Variants in ADAMTS1 observed in about 807,000 individuals in gnomAD.
The protein encoded by ADAMTS1 is A disintegrin and metalloproteinase with thrombospondin motifs 1.
A neutral mutation model predicts 87.9 loss-of-function variants in ADAMTS1; 19 were observed. The observed-to-expected ratio is 0.22, with a 90% CI of 0.15 to 0.32. ADAMTS1 has a LOEUF of 0.32. Among genes scored for constraint, ADAMTS1 ranks in the 10% least tolerant of loss-of-function variants. The pLI is 1.00. For synonymous variants in ADAMTS1, 542 were observed against 501.8 expected (o/e 1.08, Z -1.07); for missense variants, 1,240 against 1,259.1 (o/e 0.98, Z 0.23).
chr21:26,843,372 C>T, intron 1 of ADAMTS1: 1 of 426,882 alleles, frequency 2.3e-6, no homozygotes, highest in Non-Finnish European at 4.8e-6. Context: ...AACTGGGCTG[C>T]GACCACTTTG....
At position 26,841,023 on chromosome 21, in the gene ADAMTS1, A is replaced by G. The variant is rs756726522; in HGVS notation, c.1353T>C (p.Ile451=). The part of the protein sequence containing the change: ...QPWSPCSAYM[I]TSFLDNGHGE... ...CATGACCATTATCCAGAAATGATGTAATCATGTAGGCACTGCAAGGAGACC... is the reference window on the plus strand; with the variant it reads ...CATGACCATTATCCAGAAATGATGTGATCATGTAGGCACTGCAAGGAGACC... Residue 451 remains isoleucine (I), a synonymous_variant, in exon 4 of 9, where the codon ATT becomes ATC. Transcript: ENST00000284984. 1.2e-6 allele frequency: 2 copies of G among 1,614,212 alleles called. No homozygotes were observed. The highest frequency in any genetic ancestry group is 4.5e-5 in the East Asian group (2 of 44,882).
intron 8 of ADAMTS1, 73 bp from the exon 9 acceptor site, chr21:26,838,351 A>C: frequency 6.3e-7 from 1 of 1,576,110 alleles, no homozygotes; most frequent in Non-Finnish European, 8.6e-7. Flanking sequence ...AAAACACATT[A>C]ATCTTTTATG....
Position 26,841,988 on chromosome 21 carries a change from G to A in ADAMTS1, c.1080C>T (p.Asp360=), listed in dbSNP as rs1451235157. The change falls in exon 3 of 9, where the codon GAC becomes GAT. Residue 360 remains aspartate (D), a splice_region_variant and synonymous_variant. Transcript: ENST00000284984. ...YDTAILFTRQ[D]LCGSQTCDTL... ...TATCACATGTCTGGGACCCACACAAGTCCTACAAAAAGCAAAGGTAAATAC... is the reference window on the plus strand; with the variant it reads ...TATCACATGTCTGGGACCCACACAAATCCTACAAAAAGCAAAGGTAAATAC... 1.2e-6 allele frequency: 2 copies of A among 1,612,852 alleles called. No homozygotes were observed. The highest frequency in any genetic ancestry group is 2.7e-5 in the African/African-American group (2 of 74,846).
chr21:26,841,904 T>C lies in ADAMTS1; in HGVS notation c.1164A>G (p.Ile388Met). ...VCDPSRSCSV[I>M]EDDGLQAAFT... is the part of the protein sequence containing the mutation. ...AGGCAGCTTGTAAACCATCATCTTC[T>C]ATGACGGAGCAGCTTCTGCTCGGAT... is the stretch of plus-strand genomic sequence containing the variant. The change falls in exon 3 of 9, where the codon ATA becomes ATG. Residue 388 changes from isoleucine (I) to methionine (M), a missense_variant. Coordinates refer to ENST00000284984, the MANE Select transcript of ADAMTS1 (RefSeq NM_006988.5). The C allele has an allele frequency of 1.9e-6, 3 of 1,614,164 alleles. No homozygotes were observed. The highest frequency in any genetic ancestry group is 2.5e-6 in the Non-Finnish European group (3 of 1,180,040).
In ADAMTS1 at chr21:26,839,944, C is replaced by T; in HGVS notation, c.1783G>A (p.Gly595Arg). The T allele has an allele frequency of 6.2e-7, 1 of 1,614,102 alleles. No individual in the cohort carries two copies. The highest frequency in any genetic ancestry group is 8.5e-7 in the Non-Finnish European group (1 of 1,180,032). ...ACTCGTTTGCCTTCACAGTACTTCCCTCCATTCTTTGGGACTGGGTTGTCA... is the reference window on the plus strand; with the variant it reads ...ACTCGTTTGCCTTCACAGTACTTCCTTCCATTCTTTGGGACTGGGTTGTCA... Reference protein sequence around the residue: ...ECDNPVPKNGGKYCEGKRVRY... With the variant: ...ECDNPVPKNGRKYCEGKRVRY... The change falls in exon 6 of 9, where the codon GGG becomes AGG. Residue 595 changes from glycine to arginine, a missense_variant. Gly to Arg is a moderately radical substitution (Grantham distance 125). Coordinates refer to ENST00000284984, the MANE Select transcript of ADAMTS1 (RefSeq NM_006988.5).
At chr21:26,843,831 A>T in intron 1 of ADAMTS1, 1 of 460,448 alleles carries the variant, frequency 2.2e-6, no homozygotes, top group South Asian at 1.6e-5. Context: ...TACAAAACTC[A>T]GCGCAACGTT....
Position 26,844,699 on chromosome 21 carries a change from C to A in ADAMTS1, c.256G>T (p.Asp86Tyr). The change falls in exon 1 of 9, where the codon GAT (aspartate) becomes TAT (tyrosine). Residue 86 changes from aspartate to tyrosine, a missense_variant. By Grantham distance (160) the Asp-to-Tyr change is radical. Transcript: ENST00000284984. ...CTGCTGTCGGGCCGCAGCTCCAGAT[C>A]CAGCTGCTGGTCAAAGGCGTGCAGG... is the stretch of plus-strand genomic sequence containing the variant. ...LRLHAFDQQLDLELRPDSSFL... is the reference protein window; with the variant it reads ...LRLHAFDQQLYLELRPDSSFL... 1 of 1,592,870 alleles carries A rather than the reference C, an allele frequency of 6.3e-7. No homozygotes were observed. Among genetic ancestry groups the A allele is most frequent in the Non-Finnish European group, 8.5e-7 (1 of 1,170,220 alleles).
rs770171277 is a variant in ADAMTS1 at position 26,845,006 on chromosome 21, A to T, written c.-52T>A. ...GCAGCGCACGGAGCGAGGGACCTTT[A>T]GTTCGGGTCGGGAGAGCAAAGCCTC... On this transcript the variant is annotated 5_prime_UTR_variant, in exon 1 of 9. Coordinates refer to ENST00000284984, the MANE Select transcript of ADAMTS1 (RefSeq NM_006988.5). 6.1e-6 allele frequency: 9 copies of T among 1,476,300 alleles called. No individual in the cohort carries two copies. The African/African-American group carries it at 1.3e-4, about 21-fold the overall frequency. 91.5% of individuals were successfully genotyped at this position (1,476,300 alleles called of 1,614,324 possible).
chr21:26,840,761 C>A (rs1239534092), intron 4 of ADAMTS1, among the ~76,000 whole-genome samples, 199 bp from the exon 5 acceptor site: 1 of 152,162 alleles, frequency 6.6e-6, no homozygotes, highest in Non-Finnish European at 1.5e-5. Context: ...TCTATATTAA[C>A]AATGACAGGA....
intron 1 of ADAMTS1, chr21:26,843,756 A>G (rs1348191010): frequency 4.0e-6 from 2 of 494,008 alleles, no homozygotes; most frequent in African/African-American, 2.0e-5. Flanking sequence ...CCAGGTCACC[A>G]TTGCTCCTCT....
chr21:26,840,512 G>A lies in ADAMTS1; in HGVS notation c.1429C>T (p.Leu477Phe). The A allele has an allele frequency of 1.2e-6, 2 of 1,614,234 alleles. No homozygotes were observed. The highest frequency in any genetic ancestry group is 8.5e-7 in the Non-Finnish European group (1 of 1,180,048). Residue 477 changes from leucine to phenylalanine, a missense_variant, in exon 5 of 9, where the codon CTC becomes TTC. This residue lies in a region of ADAMTS1 where 317 missense variants were observed against 410.3 expected (regional missense o/e 0.77). Coordinates refer to ENST00000284984, the MANE Select transcript of ADAMTS1 (RefSeq NM_006988.5). ...PQNPIQLPGD[L>F]PGTSYDANRQ... ...TTGGCATCGTACGAGGTGCCAGGGA[G>A]ATCGCCTGGGAGCTGTATGGGATTC...
At chr21:26,841,271 G>C (rs1985488546) in intron 3 of ADAMTS1, 106 bp from the exon 4 acceptor site, 2 of 1,227,966 alleles carry the variant, frequency 1.6e-6, no homozygotes, top group South Asian at 2.8e-5. Context: ...TTGAGGTCAG[G>C]AGTTCAAGAC....
chr21:26,838,993 T>C (rs1159963925), intron 7 of ADAMTS1: 4 of 179,402 alleles, frequency 2.2e-5, no homozygotes, highest in Non-Finnish European at 3.6e-5. Context: ...TTGGGAATAT[T>C]TTCATAGCCT....
At chr21:26,843,099 G>T in intron 1 of ADAMTS1, 1 of 265,028 alleles carries the variant, frequency 3.8e-6, no homozygotes, top group East Asian at 1.0e-4. Flanking sequence ...CACGTGGAAG[G>T]CCTCGGGTAG....
At position 26,838,547 on chromosome 21, in the gene ADAMTS1, G is replaced by A; in HGVS notation, c.2096C>T (p.Ala699Val). 1 of 1,614,138 alleles carries A rather than the reference G, an allele frequency of 6.2e-7. No homozygotes were observed. The highest frequency in any genetic ancestry group is 1.7e-5 in the Admixed American group (1 of 60,016). The part of the protein sequence containing the change: ...SVCVQGQCVK[A>V]GCDRIIDSKK... ...GGAGTCTATGATGCGATCACAACCA[G>A]CTTTTACACACTGTCCTTGCACACA... Residue 699 changes from alanine (A) to valine (V), a missense_variant, in exon 8 of 9, where the codon GCT (alanine) becomes GTT (valine). Ala to Val is a moderately conservative substitution (Grantham distance 64). Coordinates refer to ENST00000284984, the MANE Select transcript of ADAMTS1 (RefSeq NM_006988.5).
chr21:26,840,087 A>G (rs372168563), intron 5 of ADAMTS1, 26 bp from the exon 6 acceptor site: 3 of 1,601,446 alleles, frequency 1.9e-6, no homozygotes, highest in African/African-American at 1.3e-5. Context: ...AATCATCAGC[A>G]TTAGAATTAT....
In ADAMTS1 at chr21:26,844,989, C is replaced by A; in HGVS notation, c.-35G>T. On this transcript the variant is annotated 5_prime_UTR_variant, in exon 1 of 9. Transcript: ENST00000284984. ...AGGAGACACCGCTCGTAGCAGCGCACGGAGCGAGGGACCTTTAGTTCGGGT... is the reference window on the plus strand; with the variant it reads ...AGGAGACACCGCTCGTAGCAGCGCAAGGAGCGAGGGACCTTTAGTTCGGGT... 2.7e-6 allele frequency: 4 copies of A among 1,491,506 alleles called. No homozygotes were observed. Among genetic ancestry groups the A allele is most frequent in the Non-Finnish European group, 3.6e-6 (4 of 1,124,652 alleles). The allele number at this position is 1,491,506 out of a possible 1,614,324, so 92.4% of individuals were successfully genotyped here.
At position 26,844,343 on chromosome 21, in the gene ADAMTS1, C is replaced by T. The variant is rs764052910; in HGVS notation, c.612G>A (p.Glu204=). The T allele has an allele frequency of 6.9e-6, 11 of 1,605,020 alleles. No individual in the cohort carries two copies. Among genetic ancestry groups the T allele is most frequent in the Admixed American group, 1.7e-5 (1 of 59,486 alleles). The change falls in exon 1 of 9, where the codon GAG becomes GAA. Residue 204 remains glutamate, a synonymous_variant. Coordinates refer to ENST00000284984, the MANE Select transcript of ADAMTS1 (RefSeq NM_006988.5). ...TCTCCGCTTTCCCAGTCGGCCGGGG[C>T]TCGTCGTCCACGACCCCGCACGTGC... The part of the protein sequence containing the change: ...VGGTCGVVDD[E]PRPTGKAETE...
chr21:26,837,730 G>A lies in ADAMTS1; in HGVS notation c.2753C>T (p.Ser918Leu), dbSNP rs139395493. 3 of 1,614,122 alleles carry A rather than the reference G, an allele frequency of 1.9e-6. No homozygotes were observed. Among genetic ancestry groups the A allele is most frequent in the Non-Finnish European group, 2.5e-6 (3 of 1,180,020 alleles). Residue 918 changes from serine to leucine, a missense_variant, in exon 9 of 9, where the codon TCA becomes TTA. Around this residue, in one of 3 missense-constraint regions of ADAMTS1, gnomAD observed 402 missense variants for 399.1 expected, o/e 1.01. Transcript: ENST00000284984. ...CTTCCCACAGGTCTTAGAACATGAT[G>A]ACCACTCCCCCAGCTGCCACTGGGG... ...PCPQWQLGEW[S>L]SCSKTCGKGY...
Sources: gnomAD v4.1 joint callset for allele counts (sites outside exome capture counted in the v4.1 genomes callset) on GRCh38, gnomAD v4.1.1 for gene constraint, gnomAD v4.1.1 regional missense constraint, MANE v1.5 for transcripts, NCBI Gene and HGNC (gene_info 2026-07-23, HGNC 2026-07-21) for gene names.